The following ABCC5 variants were observed in gnomAD, a reference collection of about 807,000 sequenced individuals.
ABCC5 encodes ATP-binding cassette sub-family C member 5.
A neutral mutation model predicts 160.9 loss-of-function variants in ABCC5; 61 were observed. The observed-to-expected ratio is 0.38, with a 90% CI of 0.31 to 0.47. ABCC5 has a LOEUF of 0.47. Ranked by LOEUF, ABCC5 falls within the 20% of genes least tolerant of loss-of-function variation. ABCC5 has a pLI of 0.99. For missense variants in ABCC5, 1,308 were observed against 1,813.3 expected (o/e 0.72, Z 5.06); for synonymous variants, 666 against 700.6 (o/e 0.95, Z 0.78).
At chr3:184,010,782 C>T (rs1360370776) in intron 2 of ABCC5, 1 of 150,128 alleles carries the variant, frequency 6.7e-6, no homozygotes, top group Non-Finnish European at 1.5e-5. Context: ...TCTTCAAAAT[C>T]AAAATCATTC....
chr3:184,015,252 A>G (rs1419692993), intron 1 of ABCC5, among the ~76,000 whole-genome samples: 1 of 152,160 alleles, frequency 6.6e-6, no homozygotes, highest in Non-Finnish European at 1.5e-5. Context: ...ATTCTAAACC[A>G]CTGCTTGCCT....
chr3:183,931,807 T>C (rs1713208219), intron 26 of ABCC5, among the ~76,000 whole-genome samples: 1 of 152,172 alleles, frequency 6.6e-6, no homozygotes, highest in Non-Finnish European at 1.5e-5. Context: ...GAAAAATATC[T>C]CCCCTCATTA....
At chr3:183,932,672 C>T (rs1324814465) in intron 26 of ABCC5, among the ~76,000 whole-genome samples, 2 of 152,132 alleles carry the variant, frequency 1.3e-5, no homozygotes, top group Non-Finnish European at 1.5e-5. Context: ...CTATATAAAA[C>T]AGGAATAATG....
rs1714931539 is a variant in ABCC5 at position 183,947,307 on chromosome 3, C to T, written c.3414+17G>A. On this transcript the variant is annotated intron_variant, in intron 23 of 29. Coordinates refer to ENST00000334444, the MANE Select transcript of ABCC5 (RefSeq NM_005688.4). Reference sequence around the variant, plus strand: ...GCTCAAACAAGCAAAGATGACGCTCCTATCCCAGAGACTGACCTGGACAGC... The same window carrying T: ...GCTCAAACAAGCAAAGATGACGCTCTTATCCCAGAGACTGACCTGGACAGC... The T allele has an allele frequency of 1.3e-6, 2 of 1,571,458 alleles. No homozygotes were observed. Among genetic ancestry groups the T allele is most frequent in the South Asian group, 1.2e-5 (1 of 86,044 alleles).
intron 25 of ABCC5, among the ~76,000 whole-genome samples, chr3:183,942,101 G>A (rs1003751006): frequency 3.3e-5 from 5 of 151,646 alleles, no homozygotes; most frequent in African/African-American, 9.7e-5. Context: ...GTGTAGTGGC[G>A]TGATCTTGGC....
At chr3:183,971,523 G>T in intron 11 of ABCC5, 40 bp downstream of exon 11, 1 of 1,572,446 alleles carries the variant, frequency 6.4e-7, no homozygotes, top group Non-Finnish European at 8.7e-7. Flanking sequence ...AGCATGGGGT[G>T]GTGGGGTGCG....
intron 26 of ABCC5, among the ~76,000 whole-genome samples, chr3:183,934,239 G>C (rs1371074090): frequency 6.6e-6 from 1 of 152,230 alleles, no homozygotes; most frequent in Non-Finnish European, 1.5e-5. Context: ...CCAGGAGGCA[G>C]AGGTTGCAGT....
intron 5 of ABCC5, chr3:183,984,562 G>T: frequency 7.6e-7 from 1 of 1,315,498 alleles, no homozygotes; most frequent in South Asian, 1.7e-5. Flanking sequence ...CTAGGTCCTA[G>T]GAGATCCCCA....
At chr3:183,958,535 T>TTGAATTCAAAATCTCATACC (rs1716437157) in intron 17 of ABCC5, among the ~76,000 whole-genome samples, 14 of 152,208 alleles carry the variant, frequency 9.2e-5, no homozygotes, top group Admixed American at 9.2e-4. Flanking sequence ...TAAACCACAC[T>TTGAATTCAAAATCTCATACC]TGAATTCAAA....
Position 183,955,986 on chromosome 3 carries a change from AGC to A in ABCC5, c.2483-2718_2483-2717del, listed in dbSNP as rs1163772025. Among the ~76,000 whole-genome samples the A allele has an allele frequency of 4.2e-5, 6 of 142,776 alleles. 2 individuals carry two copies. The highest frequency in any genetic ancestry group is 6.1e-5 in the Non-Finnish European group (4 of 65,180). The allele number at this position is 142,776 out of a possible 152,430, so 93.7% of individuals were successfully genotyped here. A position where few individuals can be genotyped will look rare whatever the true frequency, so the allele number is the denominator to read the frequency against. On this transcript the variant is annotated intron_variant, in intron 17 of 29. Transcript: ENST00000334444. ...TGTGTATATCACATCGGTTACATGCAGCTCCATGTGTATATCACATCGGTTAC... is the reference window on the plus strand; with the variant it reads ...TGTGTATATCACATCGGTTACATGCATCCATGTGTATATCACATCGGTTAC...
At chr3:183,938,603 TC>T (rs1713981671) in intron 25 of ABCC5, among the ~76,000 whole-genome samples, 1 of 152,074 alleles carries the variant, frequency 6.6e-6, no homozygotes, top group African/African-American at 2.4e-5. Flanking sequence ...GGCTGACCAT[TC>T]CATTTTCATG....
At chr3:183,932,153 GTGC>G (rs1310530370) in intron 26 of ABCC5, among the ~76,000 whole-genome samples, 6 of 152,118 alleles carry the variant, frequency 3.9e-5, no homozygotes, top group Non-Finnish European at 7.3e-5. Flanking sequence ...TCTGTGCTGG[GTGC>G]TTCATAGTAG....
chr3:183,990,664 C>G (rs1268108081), intron 2 of ABCC5, among the ~76,000 whole-genome samples: 1 of 152,002 alleles, frequency 6.6e-6, no homozygotes, highest in Non-Finnish European at 1.5e-5. Flanking sequence ...CCTGGCTGCA[C>G]AGCTGAAGAG....
At chr3:183,941,514 C>T (rs1233586336) in intron 25 of ABCC5, among the ~76,000 whole-genome samples, 1 of 148,440 alleles carries the variant, frequency 6.7e-6, no homozygotes, top group East Asian at 2.0e-4. Context: ...CCAGAAAAGA[C>T]AAAAGGTTTT....
At position 183,927,315 on chromosome 3, in the gene ABCC5, C is replaced by A. The variant is rs773715523; in HGVS notation, c.4047+15G>T. ...ATTCCCATTCTCTGCTGCTGCCAAC[C>A]CCAAACTGCCTTACCTTACAGTGGC... On this transcript the variant is annotated intron_variant, in intron 28 of 29. Transcript: ENST00000334444. 2 of 1,611,706 alleles carry A rather than the reference C, an allele frequency of 1.2e-6. No homozygotes were observed. Among genetic ancestry groups the A allele is most frequent in the South Asian group, 2.2e-5 (2 of 90,616 alleles).
At chr3:184,004,654 G>A (rs1479024173) in intron 2 of ABCC5, among the ~76,000 whole-genome samples, 1 of 152,062 alleles carries the variant, frequency 6.6e-6, no homozygotes, top group African/African-American at 2.4e-5. Flanking sequence ...CAGAACTGCT[G>A]ATCACCGTGA....
Position 183,961,592 on chromosome 3 carries a change from G to A in ABCC5, c.2298C>T (p.Thr766=). 1 of 1,614,138 alleles carries A rather than the reference G, an allele frequency of 6.2e-7. No homozygotes were observed. Among genetic ancestry groups the A allele is most frequent in the South Asian group, 1.1e-5 (1 of 91,088 alleles). The change falls in exon 16 of 30, where the codon ACC becomes ACT. Residue 766 remains threonine, a synonymous_variant. Coordinates refer to ENST00000334444, the MANE Select transcript of ABCC5 (RefSeq NM_005688.4). ...CATTTAAATTCATCAGTTCCTCATG[G>A]GTGCCTCTTTCCGTAATACAGCCCT... ...MKEGCITERG[T]HEELMNLNGD...
chr3:183,933,733 T>G (rs377689828), intron 26 of ABCC5, among the ~76,000 whole-genome samples: 4 of 152,240 alleles, frequency 2.6e-5, no homozygotes, highest in African/African-American at 4.8e-5. Context: ...GATTAGATTA[T>G]ATTTGTACAC....
intron 17 of ABCC5, among the ~76,000 whole-genome samples, chr3:183,955,390 G>C (rs1241039124): frequency 6.6e-6 from 1 of 152,210 alleles, no homozygotes; most frequent in Admixed American, 6.5e-5. Flanking sequence ...TTGTGTGCCT[G>C]AACTCTAAAG....
Sources: gnomAD v4.1 joint callset for allele counts (sites outside exome capture counted in the v4.1 genomes callset) on GRCh38, gnomAD v4.1.1 for gene constraint, MANE v1.5 for transcripts, NCBI Gene and HGNC (gene_info 2026-07-23, HGNC 2026-07-21) for gene names.